The following ANXA8 variants were observed in gnomAD, a reference collection of about 807,000 sequenced individuals.
ANXA8 encodes VAC-beta.
A neutral mutation model predicts 26.8 loss-of-function variants in ANXA8; 9 were observed. The observed-to-expected ratio is 0.34, with a 90% CI of 0.20 to 0.59. The LOEUF (loss-of-function observed/expected upper bound fraction) is 0.59. ANXA8 is among the 20% of genes least tolerant of loss of function. The pLI is 0.84. For missense variants in ANXA8, 83 were observed against 238.5 expected (o/e 0.35, Z 4.29); for synonymous variants, 39 against 94.8 (o/e 0.41, Z 3.42).
chr10:47,647,496 C>A, the ANXA8 span, among the ~76,000 whole-genome samples: 1 of 149,790 alleles, frequency 6.7e-6, no homozygotes, highest in Non-Finnish European at 1.5e-5. Flanking sequence ...CAGTTTCACA[C>A]AAGGAATAAA....
chr10:47,675,785 C>G, the ANXA8 span, among the ~76,000 whole-genome samples: 1 of 151,318 alleles, frequency 6.6e-6, no homozygotes, highest in African/African-American at 2.4e-5. Context: ...AGAAGAAGAC[C>G]CAGAGATGAT....
chr10:47,578,020 G>A, the ANXA8 span, among the ~76,000 whole-genome samples: 386 of 19,886 alleles, frequency 0.019, 6 homozygotes, highest in Middle Eastern at 0.036. Context: ...AAAAAAAAAA[G>A]AAAAAGAATG....
chr10:47,970,054 T>C, the ANXA8 span: 2 of 151,434 alleles, frequency 1.3e-5, no homozygotes, highest in Non-Finnish European at 3.0e-5. Flanking sequence ...AGGAACAAAC[T>C]TCTTTAATGG....
the ANXA8 span, among the ~76,000 whole-genome samples, chr10:47,779,090 T>G: frequency 6.8e-6 from 1 of 146,356 alleles, no homozygotes; most frequent in Non-Finnish European, 1.5e-5. Context: ...AAGCAATAGT[T>G]TTTTTTTTTA....
At chr10:47,978,083 C>A in the ANXA8 span, among the ~76,000 whole-genome samples, 1 of 151,978 alleles carries the variant, frequency 6.6e-6, no homozygotes, top group Non-Finnish European at 1.5e-5. Context: ...AGCATATACA[C>A]TCTAGCTTCA....
the ANXA8 span, among the ~76,000 whole-genome samples, chr10:47,776,152 C>T: frequency 6.6e-6 from 1 of 151,826 alleles, no homozygotes; most frequent in Non-Finnish European, 1.5e-5. Flanking sequence ...ATGGCTATTT[C>T]TGAAGTTGTC....
At chr10:47,957,593 T>G in the ANXA8 span, among the ~76,000 whole-genome samples, 3 of 149,822 alleles carry the variant, frequency 2.0e-5, no homozygotes, top group Non-Finnish European at 2.9e-5. Flanking sequence ...TTCTTAGGGC[T>G]GCCGTAACAA....
Position 47,484,088 on chromosome 10 carries a change from G to C in ANXA8, c.-155C>G, listed in dbSNP as rs1188128247. The C allele has an allele frequency of 2.5e-6, 4 of 1,591,476 alleles. No homozygotes were observed. The highest frequency in any genetic ancestry group is 2.3e-4 in the Middle Eastern group (1 of 4,418). On this transcript the variant is annotated 5_prime_UTR_variant, in exon 1 of 12. Coordinates refer to ENST00000585281, the MANE Select transcript of ANXA8 (RefSeq NM_001040084.3). The stretch of plus-strand genomic sequence containing the variant: ...GCCCGCCCAGGGCAGCGCCACACCT[G>C]CCTGCCGTCCCCTCGCCCCCGGGCT...
At chr10:47,587,230 G>A in the ANXA8 span, among the ~76,000 whole-genome samples, 1 of 148,746 alleles carries the variant, frequency 6.7e-6, no homozygotes, top group African/African-American at 2.6e-5. Context: ...AAAATTCCTG[G>A]AAATGGATTA....
the ANXA8 span, among the ~76,000 whole-genome samples, chr10:47,692,950 G>A: frequency 6.6e-6 from 1 of 151,306 alleles, no homozygotes; most frequent in Admixed American, 6.6e-5. Flanking sequence ...GGCCGGGCTG[G>A]TTTCGAACTC....
At chr10:47,580,848 G>A in the ANXA8 span, among the ~76,000 whole-genome samples, 1 of 150,046 alleles carries the variant, frequency 6.7e-6, no homozygotes, top group Non-Finnish European at 1.5e-5. Context: ...GCCGACGCAG[G>A]TGGATGACCT....
chr10:47,673,803 T>C, the ANXA8 span, among the ~76,000 whole-genome samples: 5 of 151,256 alleles, frequency 3.3e-5, no homozygotes, highest in African/African-American at 7.3e-5. Context: ...TTTTTAGTTT[T>C]TCCTATTTTT....
the ANXA8 span, among the ~76,000 whole-genome samples, chr10:47,687,013 A>G: frequency 2.6e-5 from 4 of 151,708 alleles, no homozygotes; most frequent in African/African-American, 2.4e-5. Flanking sequence ...CTGTGGCTGG[A>G]TGACAGCTTG....
At chr10:47,685,356 A>G in the ANXA8 span, among the ~76,000 whole-genome samples, 21 of 142,162 alleles carry the variant, frequency 1.5e-4, no homozygotes, top group African/African-American at 3.3e-4. Context: ...CAAAAAAAAA[A>G]AAAAAGAAAA....
At chr10:47,476,549 T>C (rs1839547215) in intron 4 of ANXA8, among the ~76,000 whole-genome samples, 1 of 116,050 alleles carries the variant, frequency 8.6e-6, no homozygotes, top group Non-Finnish European at 1.8e-5. Flanking sequence ...CTGGGTGGTC[T>C]CAGACAGGCT....
At chr10:47,566,335 C>T in the ANXA8 span, among the ~76,000 whole-genome samples, 1 of 149,674 alleles carries the variant, frequency 6.7e-6, no homozygotes. Context: ...ACACTGCTGA[C>T]ATTTGCAGAG....
At chr10:47,749,984 C>G in the ANXA8 span, among the ~76,000 whole-genome samples, 7 of 152,124 alleles carry the variant, frequency 4.6e-5, no homozygotes, top group South Asian at 2.1e-4. Flanking sequence ...TAAAGGTTCA[C>G]TCTACCAGAA....
At chr10:47,688,282 T>A in the ANXA8 span, among the ~76,000 whole-genome samples, 5 of 148,034 alleles carry the variant, frequency 3.4e-5, no homozygotes, top group Non-Finnish European at 7.4e-5. Flanking sequence ...TTTTTTAGTT[T>A]TTAAATTTTT....
At chr10:47,627,920 C>T in the ANXA8 span, among the ~76,000 whole-genome samples, 4 of 149,380 alleles carry the variant, frequency 2.7e-5, no homozygotes, top group African/African-American at 1.0e-4. Flanking sequence ...TTTATAAATA[C>T]CCATTATTAA....
Sources: allele counts gnomAD v4.1 joint callset (sites outside exome capture counted in the v4.1 genomes callset), GRCh38; gene constraint gnomAD v4.1.1; transcripts MANE v1.5; gene names NCBI Gene and HGNC (gene_info 2026-07-23, HGNC 2026-07-21).